The following PDSS2 variants were observed in gnomAD, a reference collection of about 807,000 sequenced individuals.
PDSS2 encodes the protein all trans-polyprenyl-diphosphate synthase PDSS2.
Under a neutral mutation model 44.5 loss-of-function variants are expected in PDSS2, and 31 were observed. That is an observed-to-expected ratio of 0.70 (90% CI 0.52 to 0.94). The LOEUF (loss-of-function observed/expected upper bound fraction) is 0.94. Ranked by LOEUF, PDSS2 falls within the 40% of genes least tolerant of loss-of-function variation. The probability of loss-of-function intolerance (pLI) is 0.00; values close to 1 mark genes in which losing one functional copy is unlikely to be tolerated. For synonymous variants in PDSS2, 157 were observed against 180.3 expected, an observed-to-expected ratio of 0.87 and a Z score of 1.03; for missense variants, 452 against 482.2, an observed-to-expected ratio of 0.94 and a Z score of 0.59.
intron 1 of PDSS2, among the ~76,000 whole-genome samples, chr6:107,457,608 G>A (rs965860908): frequency 6.6e-6 from 1 of 152,086 alleles, no homozygotes; most frequent in Non-Finnish European, 1.5e-5. Flanking sequence ...CATGCCAAAT[G>A]TCCTCAGGGG....
chr6:107,240,547 C>A (rs1353012476), intron 4 of PDSS2, among the ~76,000 whole-genome samples: 1 of 151,718 alleles, frequency 6.6e-6, no homozygotes, highest in Non-Finnish European at 1.5e-5. Flanking sequence ...TACAGGCGCG[C>A]ACCACCAAGC....
intron 5 of PDSS2, among the ~76,000 whole-genome samples, chr6:107,211,702 T>A (rs181900531): frequency 1.6e-3 from 217 of 137,488 alleles, no homozygotes; most frequent in African/African-American, 5.9e-3. Flanking sequence ...ACCACTGCAC[T>A]CCAGCCTGGG....
intron 1 of PDSS2, among the ~76,000 whole-genome samples, chr6:107,414,273 A>T (rs1452641966): frequency 6.6e-6 from 1 of 152,206 alleles, no homozygotes; most frequent in Non-Finnish European, 1.5e-5. Flanking sequence ...ACTGTACAGT[A>T]ATTATTCCTA....
intron 4 of PDSS2, among the ~76,000 whole-genome samples, chr6:107,225,005 C>T (rs1385138949): frequency 2.0e-5 from 3 of 149,102 alleles, no homozygotes; most frequent in Non-Finnish European, 4.4e-5. Flanking sequence ...AAATGGTTGT[C>T]GGCAGTAGGC....
chr6:107,323,739 T>C (rs368073355), intron 2 of PDSS2, among the ~76,000 whole-genome samples: 1 of 152,246 alleles, frequency 6.6e-6, no homozygotes, highest in East Asian at 1.9e-4. Context: ...AATTAAGCAC[T>C]GTTTAAAATG....
At chr6:107,257,591 A>G (rs770787201) in intron 3 of PDSS2, among the ~76,000 whole-genome samples, 2 of 151,730 alleles carry the variant, frequency 1.3e-5, no homozygotes, top group African/African-American at 2.4e-5. Context: ...GGTTAGAAAT[A>G]CTCCAATCTA....
Position 107,239,059 on chromosome 6 carries a change from T to C in PDSS2, c.702+6489A>G, listed in dbSNP as rs190738859. On this transcript the variant is annotated intron_variant, in intron 4 of 7. Transcript: ENST00000369037. ...TGGGAGGCTGAGGTGGGAGGATCAC[T>C]TGAGGTTAGGGGTTCGAGACCAGCC... Among the ~76,000 whole-genome samples, 305 of 152,272 alleles carry C rather than the reference T, an allele frequency of 2.0e-3. 1 individual carries two copies. Among genetic ancestry groups the C allele is most frequent in the Non-Finnish European group, 3.0e-3 (207 of 68,010 alleles).
chr6:107,389,378 T>A (rs577326081), intron 1 of PDSS2, among the ~76,000 whole-genome samples: 77 of 152,326 alleles, frequency 5.1e-4, no homozygotes, highest in African/African-American at 1.8e-3. Flanking sequence ...AATAATATTT[T>A]GACTGTAAAC....
chr6:107,182,253 T>C (rs2114462421), intron 7 of PDSS2, among the ~76,000 whole-genome samples: 1 of 152,332 alleles, frequency 6.6e-6, no homozygotes. Flanking sequence ...AGACCAAGGC[T>C]AATAATAAGG....
At chr6:107,306,387 G>T (rs1049861223) in intron 2 of PDSS2, among the ~76,000 whole-genome samples, 2 of 152,198 alleles carry the variant, frequency 1.3e-5, no homozygotes, top group Non-Finnish European at 2.9e-5. Flanking sequence ...TGCCATCAAT[G>T]TAAGATGTGA....
At chr6:107,441,581 G>C (rs985066047) in intron 1 of PDSS2, among the ~76,000 whole-genome samples, 1 of 152,188 alleles carries the variant, frequency 6.6e-6, no homozygotes, top group African/African-American at 2.4e-5. Context: ...AGAGGTCCTA[G>C]ACATGACAAT....
intron 7 of PDSS2, among the ~76,000 whole-genome samples, chr6:107,155,936 C>T (rs551470947): frequency 1.7e-5 from 2 of 117,356 alleles, no homozygotes; most frequent in South Asian, 3.0e-4. Context: ...GTCATCCAGG[C>T]TGGAGTGCAG....
intron 1 of PDSS2, among the ~76,000 whole-genome samples, chr6:107,364,693 C>T (rs2114324160): frequency 6.6e-6 from 1 of 152,296 alleles, no homozygotes; most frequent in South Asian, 2.1e-4. Context: ...GGGGCTCCCA[C>T]AGTGCAGTGG....
chr6:107,266,058 A>C (rs1462443527), intron 3 of PDSS2, among the ~76,000 whole-genome samples: 3 of 152,234 alleles, frequency 2.0e-5, no homozygotes, highest in Admixed American at 1.3e-4. Flanking sequence ...TAATCAACTT[A>C]AGCTTCTGGG....
chr6:107,262,098 C>T (rs911322057), intron 3 of PDSS2, among the ~76,000 whole-genome samples: 2 of 150,796 alleles, frequency 1.3e-5, no homozygotes, highest in Admixed American at 6.6e-5. Context: ...TTTGTAGAGA[C>T]GGGGTTTCAC....
At chr6:107,286,891 T>C (rs1776171919) in intron 2 of PDSS2, among the ~76,000 whole-genome samples, 1 of 151,688 alleles carries the variant, frequency 6.6e-6, no homozygotes, top group Non-Finnish European at 1.5e-5. Context: ...ATAGAAAAAA[T>C]TAGCTGAGCA....
intron 4 of PDSS2, among the ~76,000 whole-genome samples, chr6:107,213,712 G>A (rs975785398): frequency 2.0e-5 from 3 of 152,058 alleles, no homozygotes; most frequent in Non-Finnish European, 2.9e-5. Context: ...AGTCGAGATT[G>A]CACCCCTGCA....
At chr6:107,405,873 G>C (rs1780302609) in intron 1 of PDSS2, among the ~76,000 whole-genome samples, 1 of 148,296 alleles carries the variant, frequency 6.7e-6, no homozygotes, top group Non-Finnish European at 1.5e-5. Flanking sequence ...AAAAGATACA[G>C]AATGGTGGAA....
intron 7 of PDSS2, 45 bp from the exon 8 acceptor site, chr6:107,154,822 A>G: frequency 6.5e-7 from 1 of 1,547,710 alleles, no homozygotes; most frequent in African/African-American, 1.4e-5. Context: ...TTAAAGGTAC[A>G]CAGTAAGCAC....
Sources: gnomAD v4.1 joint callset for allele counts (sites outside exome capture counted in the v4.1 genomes callset) on GRCh38, gnomAD v4.1.1 for gene constraint, MANE v1.5 for transcripts, NCBI Gene and HGNC (gene_info 2026-07-23, HGNC 2026-07-21) for gene names.